The following SLAIN1 variants were observed in gnomAD, a reference collection of about 807,000 sequenced individuals.
The protein encoded by SLAIN1 is SLAIN family member 1.
In SLAIN1, 17 loss-of-function variants were observed where a neutral mutation model predicts 55.4. That is an observed-to-expected ratio of 0.31 (90% CI 0.21 to 0.46). The LOEUF (loss-of-function observed/expected upper bound fraction) is 0.46, where lower values mean the gene tolerates loss of function less well. Among genes scored for constraint, SLAIN1 ranks in the 20% least tolerant of loss-of-function variants. The pLI, the probability that SLAIN1 is intolerant of heterozygous loss-of-function variation, is 1.00. For synonymous variants in SLAIN1, 348 were observed against 337.4 expected, an observed-to-expected ratio of 1.03 and a Z score of -0.35; for missense variants, 682 against 785.1, an observed-to-expected ratio of 0.87 and a Z score of 1.57.
At chr13:77,750,462 T>G (rs1262225734) in intron 4 of SLAIN1, among the ~76,000 whole-genome samples, 2 of 152,140 alleles carry the variant, frequency 1.3e-5, no homozygotes, top group African/African-American at 4.8e-5. Flanking sequence ...TTTACACCAG[T>G]TTTTGTAATA....
intron 2 of SLAIN1, among the ~76,000 whole-genome samples, chr13:77,723,932 T>TAAAAAAA (rs10599579): frequency 6.9e-6 from 1 of 145,926 alleles, no homozygotes; most frequent in Non-Finnish European, 1.5e-5. Flanking sequence ...TTTTGGAGAT[T>TAAAAAAA]AAAAAAAAAA....
Position 77,698,578 on chromosome 13 carries a change from TCGGGGGCTTCGGGCACCGGGGAG to T in SLAIN1, c.626+47_626+69del, listed in dbSNP as rs1340521581. 7 of 1,362,812 alleles carry T rather than the reference TCGGGGGCTTCGGGCACCGGGGAG, an allele frequency of 5.1e-6. No individual in the cohort carries two copies. The highest frequency in any genetic ancestry group is 6.6e-6 in the Non-Finnish European group (7 of 1,062,816). 84.4% of individuals were successfully genotyped at this position (1,362,812 alleles called of 1,614,324 possible). ...CCGCTCCTTCCCCGAGACCCTGGCC[TCGGGGGCTTCGGGCACCGGGGAG>T]CGGGGGCGGGGGGCGGACGGGGGTC... On this transcript the variant is annotated intron_variant, in intron 1 of 6. Coordinates refer to ENST00000418532, the MANE Select transcript of SLAIN1 (RefSeq NM_001242868.2). This position sits in a 1 kb window ranked among gnomAD's most constrained non-coding sequence, Gnocchi z 4.1.
At chr13:77,761,999 G>T (rs146236681) in intron 6 of SLAIN1, among the ~76,000 whole-genome samples, 2 of 152,134 alleles carry the variant, frequency 1.3e-5, no homozygotes, top group South Asian at 4.1e-4. Flanking sequence ...CTGTCTTTAT[G>T]CATTTATGGA....
intron 1 of SLAIN1, among the ~76,000 whole-genome samples, chr13:77,706,784 C>G (rs377447204): frequency 6.6e-6 from 1 of 152,116 alleles, no homozygotes; most frequent in African/African-American, 2.4e-5. Context: ...ATTGTTCTGC[C>G]CTTACATAAG....
At chr13:77,759,249 C>T (rs982071815) in intron 5 of SLAIN1, among the ~76,000 whole-genome samples, 2 of 152,002 alleles carry the variant, frequency 1.3e-5, no homozygotes, top group East Asian at 3.8e-4. Flanking sequence ...TGTTGGTATA[C>T]AGCAGTGCTA....
At chr13:77,761,243 C>A in intron 6 of SLAIN1, 133 bp downstream of exon 6, 1 of 857,106 alleles carries the variant, frequency 1.2e-6, no homozygotes, top group Non-Finnish European at 1.8e-6. Flanking sequence ...TTGTGCTCTC[C>A]TCCCTTTGAA....
chr13:77,727,103 A>G lies in SLAIN1; in HGVS notation c.766+7432A>G, dbSNP rs2091314194. On this transcript the variant is annotated intron_variant, in intron 2 of 6. Transcript: ENST00000418532. Reference sequence around the variant, plus strand: ...TAACTAATAAAGCCTAGAATAGAATAATCTTTCTCTTTTTTCCCCCAGAAC... The same window carrying G: ...TAACTAATAAAGCCTAGAATAGAATGATCTTTCTCTTTTTTCCCCCAGAAC... 2.0e-5 allele frequency among the ~76,000 whole-genome samples: 3 copies of G among 152,182 alleles called. No individual in the cohort carries two copies. In the South Asian group the frequency reaches 6.2e-4, roughly 32 times the overall value.
intron 2 of SLAIN1, among the ~76,000 whole-genome samples, chr13:77,723,938 A>G (rs917575824): frequency 6.6e-6 from 1 of 151,976 alleles, no homozygotes; most frequent in African/African-American, 2.4e-5. Context: ...AGATTAAAAA[A>G]AAAAAAAAAC....
At position 77,718,266 on chromosome 13, in the gene SLAIN1, TACAA is replaced by T. The variant is rs567261883; in HGVS notation, c.627-1264_627-1261del. ...TATGTTTTTAAATGATGAAAAAAAA[TACAA>T]AGAATGTGAAAACTATGGGAAATTC... is the stretch of plus-strand genomic sequence containing the variant. On this transcript the variant is annotated intron_variant, in intron 1 of 6. Transcript: ENST00000418532. Among the ~76,000 whole-genome samples, 9 of 152,164 alleles carry T rather than the reference TACAA, an allele frequency of 5.9e-5. No individual in the cohort carries two copies. The South Asian group carries it at 1.9e-3, about 32-fold the overall frequency.
chr13:77,701,444 A>G (rs1419937796), intron 1 of SLAIN1, among the ~76,000 whole-genome samples: 4 of 152,152 alleles, frequency 2.6e-5, no homozygotes, highest in East Asian at 1.9e-4. Flanking sequence ...TCTTTATGAT[A>G]GTTCATTAGT....
Position 77,698,671 on chromosome 13 carries a change from C to G in SLAIN1, c.626+132C>G. 1 of 1,261,638 alleles carries G rather than the reference C, an allele frequency of 7.9e-7. No homozygotes were observed. The highest frequency in any genetic ancestry group is 1.0e-6 in the Non-Finnish European group (1 of 985,268). The allele number at this position is 1,261,638 out of a possible 1,614,324, so 78.2% of individuals were successfully genotyped here. The stretch of plus-strand genomic sequence containing the variant: ...GACTCCCCGCGGCTCCCGGAGGGGC[C>G]GACCCAGCAGGTGTTGAGCCAGGCG... On this transcript the variant is annotated intron_variant, in intron 1 of 6. Coordinates refer to ENST00000418532, the MANE Select transcript of SLAIN1 (RefSeq NM_001242868.2). This position sits in a 1 kb window ranked among gnomAD's most constrained non-coding sequence, Gnocchi z 4.1.
Position 77,719,553 on chromosome 13 carries a change from G to T in SLAIN1, c.648G>T (p.Lys216Asn). The change falls in exon 2 of 7, where the codon AAG becomes AAT. Residue 216 changes from lysine (K) to asparagine (N), a missense_variant. Physicochemically the swap from Lys to Asn is moderately conservative, Grantham distance 94. Around this residue, in one of 3 missense-constraint regions of SLAIN1, gnomAD observed 401 missense variants for 417.3 expected, o/e 0.96. Coordinates refer to ENST00000418532, the MANE Select transcript of SLAIN1 (RefSeq NM_001242868.2). ...DYTWLYIGSS[K>N]TFTSSEKSLT... The stretch of plus-strand genomic sequence containing the variant: ...TAAGGTTATACATTGGCTCTTCAAA[G>T]ACGTTCACCTCATCAGAGAAATCCC... 1 of 1,612,854 alleles carries T rather than the reference G, an allele frequency of 6.2e-7. No homozygotes were observed. Among genetic ancestry groups the T allele is most frequent in the Non-Finnish European group, 8.5e-7 (1 of 1,179,308 alleles).
intron 5 of SLAIN1, among the ~76,000 whole-genome samples, chr13:77,760,007 T>G (rs1003615571): frequency 2.6e-5 from 4 of 152,196 alleles, no homozygotes; most frequent in African/African-American, 9.6e-5. Context: ...ATTTATATAT[T>G]TCATGATTAA....
At chr13:77,715,189 ATG>A (rs1276991203) in intron 1 of SLAIN1, among the ~76,000 whole-genome samples, 3 of 152,160 alleles carry the variant, frequency 2.0e-5, no homozygotes, top group African/African-American at 7.2e-5. Context: ...GTCACAGACT[ATG>A]TACTCTTCCA....
intron 2 of SLAIN1, among the ~76,000 whole-genome samples, chr13:77,734,601 T>C (rs1372691548): frequency 6.6e-6 from 1 of 152,144 alleles, no homozygotes; most frequent in East Asian, 1.9e-4. Context: ...GTAGATACAG[T>C]GTAAGAAGCC....
At chr13:77,715,766 T>C (rs1423897032) in intron 1 of SLAIN1, among the ~76,000 whole-genome samples, 1 of 152,150 alleles carries the variant, frequency 6.6e-6, no homozygotes, top group Non-Finnish European at 1.5e-5. Context: ...TTGTCTATTT[T>C]TAAAATTGAG....
intron 2 of SLAIN1, among the ~76,000 whole-genome samples, chr13:77,728,751 C>T (rs569178972): frequency 6.6e-6 from 1 of 152,294 alleles, no homozygotes; most frequent in East Asian, 1.9e-4. Flanking sequence ...ACAGATTGAA[C>T]TGAGACATTA....
At chr13:77,729,480 T>C (rs904117122) in intron 2 of SLAIN1, among the ~76,000 whole-genome samples, 1 of 151,988 alleles carries the variant, frequency 6.6e-6, no homozygotes, top group Non-Finnish European at 1.5e-5. Context: ...GTTGATTAAA[T>C]TTGACTCTAT....
intron 2 of SLAIN1, among the ~76,000 whole-genome samples, chr13:77,722,037 G>A (rs1226241372): frequency 6.7e-6 from 1 of 149,764 alleles, no homozygotes; most frequent in African/African-American, 2.5e-5. Context: ...ATTGGTGGTT[G>A]CTATTGAGAT....
Sources: gnomAD v4.1 joint callset for allele counts (sites outside exome capture counted in the v4.1 genomes callset) on GRCh38, gnomAD v4.1.1 for gene constraint, gnomAD v4.1.1 regional missense constraint, Gnocchi (gnomAD v3.1) non-coding constraint, MANE v1.5 for transcripts, NCBI Gene and HGNC (gene_info 2026-07-23, HGNC 2026-07-21) for gene names.